ZNF697: variants seen among roughly 807,000 people sequenced by gnomAD.
The protein encoded by ZNF697 is zinc finger protein 697.
ZNF697 carries 23 observed loss-of-function variants against 32.4 expected under a neutral mutation model. The observed-to-expected ratio is 0.71, with a 90% confidence interval of 0.51 to 1.01. The LOEUF (loss-of-function observed/expected upper bound fraction) is 1.01. ZNF697 is among the 50% of genes least tolerant of loss of function. The pLI, the probability that ZNF697 is intolerant of heterozygous loss-of-function variation, is 0.00. For synonymous variants in ZNF697, 418 were observed against 337.2 expected (o/e 1.24, Z -2.62); for missense variants, 930 against 794.0 (o/e 1.17, Z -2.06).
intron 1 of ZNF697, among the ~76,000 whole-genome samples, chr1:119,636,174 G>A (rs761032033): frequency 5.9e-5 from 9 of 152,134 alleles, no homozygotes; most frequent in Non-Finnish European, 1.3e-4. Flanking sequence ...GAGAGCAACA[G>A]TACTACACAA....
At chr1:119,624,994 G>A (rs1648532655) in intron 2 of ZNF697, among the ~76,000 whole-genome samples, 2 of 147,300 alleles carry the variant, frequency 1.4e-5, no homozygotes, top group Non-Finnish European at 3.0e-5. Flanking sequence ...GGGGGAGGGG[G>A]ATAGTAGTGG....
chr1:119,622,549 A>G lies in ZNF697; in HGVS notation c.*156T>C. ...ACCGGGAAAGACCAACTTACTCAAC[A>G]CTCCTCCCACTTCAGGAAACCCCAA... On this transcript the variant is annotated 3_prime_UTR_variant, in exon 3 of 3. Coordinates refer to ENST00000421812, the MANE Select transcript of ZNF697 (RefSeq NM_001080470.2). 1 of 1,351,664 alleles carries G rather than the reference A, an allele frequency of 7.4e-7. No homozygotes were observed. The highest frequency in any genetic ancestry group is 9.7e-7 in the Non-Finnish European group (1 of 1,029,670). 83.7% of individuals were successfully genotyped at this position (1,351,664 alleles called of 1,614,324 possible).
In ZNF697 at chr1:119,623,490, C is replaced by G; in HGVS notation, c.853G>C (p.Gly285Arg). 1 of 1,569,814 alleles carries G rather than the reference C, an allele frequency of 6.4e-7. No homozygotes were observed. ...TCGGCGCACAGGTTGGGCCGCTCGC[C>G]CGTGTGCAGGCGCAGGTGGTTGGTC... ...YLTNHLRLHT[G>R]ERPNLCADCG... Residue 285 changes from glycine to arginine, a missense_variant, in exon 3 of 3, where the codon GGC becomes CGC. By Grantham distance (125) the Gly-to-Arg change is moderately radical. Coordinates refer to ENST00000421812, the MANE Select transcript of ZNF697 (RefSeq NM_001080470.2).
At chr1:119,640,493 C>CA (rs1395907450) in intron 1 of ZNF697, among the ~76,000 whole-genome samples, 1 of 152,170 alleles carries the variant, frequency 6.6e-6, no homozygotes, top group East Asian at 1.9e-4. Flanking sequence ...AGACCATTCT[C>CA]AAAAAAGAAT....
At chr1:119,643,396 A>G (rs763702474) in intron 1 of ZNF697, among the ~76,000 whole-genome samples, 52 of 152,160 alleles carry the variant, frequency 3.4e-4, no homozygotes, top group Non-Finnish European at 6.6e-4. Context: ...CTGTGTTTAT[A>G]CCAGGGCTTT....
intron 1 of ZNF697, among the ~76,000 whole-genome samples, chr1:119,630,512 A>G (rs1160030543): frequency 6.6e-6 from 1 of 152,196 alleles, no homozygotes; most frequent in Non-Finnish European, 1.5e-5. Context: ...CCCAATTTCA[A>G]AAAAGTAAGG....
rs1648564612 is a variant in ZNF697, at chr1:119,625,870, C to T, written c.226+5G>A. The T allele has an allele frequency of 1.2e-6, 2 of 1,613,204 alleles. No homozygotes were observed. Among genetic ancestry groups the T allele is most frequent in the Admixed American group, 3.3e-5 (2 of 59,976 alleles). Reference sequence around the variant, plus strand: ...CTTGCATAGAAATCCCAGCTTTCTCCTCACCTGTGCAGATGTCGGGCACTG... The same window carrying T: ...CTTGCATAGAAATCCCAGCTTTCTCTTCACCTGTGCAGATGTCGGGCACTG... On this transcript the variant is annotated splice_donor_5th_base_variant and intron_variant, in intron 2 of 2. Coordinates refer to ENST00000421812, the MANE Select transcript of ZNF697 (RefSeq NM_001080470.2).
In ZNF697 at chr1:119,647,738, G is replaced by C. The variant is rs775898531; in HGVS notation, c.-85C>G. ...CTCCCTGGGCTTGGTTTCTCCGAGGGTCTCTGATGCCCCCTTCGGTGGTCG... is the reference window on the plus strand; with the variant it reads ...CTCCCTGGGCTTGGTTTCTCCGAGGCTCTCTGATGCCCCCTTCGGTGGTCG... On this transcript the variant is annotated 5_prime_UTR_variant, in exon 1 of 3. Coordinates refer to ENST00000421812, the MANE Select transcript of ZNF697 (RefSeq NM_001080470.2). 6.6e-6 allele frequency: 1 copy of C among 152,504 alleles called. No individual in the cohort carries two copies. Among genetic ancestry groups the C allele is most frequent in the Admixed American group, 6.5e-5 (1 of 15,286 alleles). The allele number at this position is 152,504 out of a possible 1,614,324, so 9.4% of individuals were successfully genotyped here.
At position 119,621,014 on chromosome 1, in the gene ZNF697, A is replaced by C. The variant is rs1329409850; in HGVS notation, c.*1691T>G. The C allele has an allele frequency of 6.6e-6, 1 of 152,238 alleles. No individual in the cohort carries two copies. The highest frequency in any genetic ancestry group is 1.5e-5 in the Non-Finnish European group (1 of 68,044). 9.4% of individuals were successfully genotyped at this position (152,238 alleles called of 1,614,324 possible). On this transcript the variant is annotated 3_prime_UTR_variant, in exon 3 of 3. Transcript: ENST00000421812. ...TAACTTCTAAAGGCTAACCTAGCAC[A>C]GGGATCTTCAGCATAAGTAACTGAA...
chr1:119,641,861 G>A (rs762744330), intron 1 of ZNF697, among the ~76,000 whole-genome samples: 7 of 152,156 alleles, frequency 4.6e-5, no homozygotes, highest in Non-Finnish European at 8.8e-5. Context: ...GGCCTCCCCA[G>A]CCATGCAGAA....
In ZNF697 at chr1:119,623,715, T is replaced by C; in HGVS notation, c.628A>G (p.Ile210Val). The C allele has an allele frequency of 6.6e-7, 1 of 1,513,976 alleles. No homozygotes were observed. Among genetic ancestry groups the C allele is most frequent in the Non-Finnish European group, 8.9e-7 (1 of 1,129,714 alleles). 93.8% of individuals were successfully genotyped at this position (1,513,976 alleles called of 1,614,324 possible). A position where few individuals can be genotyped will look rare whatever the true frequency, so the allele number is the denominator to read the frequency against. ...PGAAFLQHQRIHRLAEAAAAA... is the reference protein window; with the variant it reads ...PGAAFLQHQRVHRLAEAAAAA... ...GCAGCGGCCTCAGCCAGGCGGTGAATGCGCTGGTGCTGCAGGAAGGCGGCG... is the reference window on the plus strand; with the variant it reads ...GCAGCGGCCTCAGCCAGGCGGTGAACGCGCTGGTGCTGCAGGAAGGCGGCG... Residue 210 changes from isoleucine (I) to valine (V), a missense_variant, in exon 3 of 3, where the codon ATT becomes GTT. Coordinates refer to ENST00000421812, the MANE Select transcript of ZNF697 (RefSeq NM_001080470.2).
Position 119,629,721 on chromosome 1 carries a change from TAC to T in ZNF697, c.-37-3586_-37-3585del, listed in dbSNP as rs587680390. 2.1e-3 allele frequency among the ~76,000 whole-genome samples: 321 copies of T among 152,346 alleles called. 1 individual carries two copies. Among genetic ancestry groups the T allele is most frequent in the Non-Finnish European group, 3.9e-3 (263 of 68,034 alleles). On this transcript the variant is annotated intron_variant, in intron 1 of 2. Transcript: ENST00000421812. ...TTCAGCCAACTTCTTAAGAAAATTA[TAC>T]ACACCCCCATTCTAAATTGGGGGTC...
Position 119,623,883 on chromosome 1 carries a change from G to C in ZNF697, c.460C>G (p.Arg154Gly), listed in dbSNP as rs1411133222. Reference protein sequence around the residue: ...RRHLSLGSRHRGDKPAHRRFH... With the variant: ...RRHLSLGSRHGGDKPAHRRFH... Reference sequence around the variant, plus strand: ...CGGCGGTGGGCGGGCTTGTCACCTCGGTGCCGACTCCCCAGGGAGAGATGT... The same window carrying C: ...CGGCGGTGGGCGGGCTTGTCACCTCCGTGCCGACTCCCCAGGGAGAGATGT... Residue 154 changes from arginine to glycine, a missense_variant, in exon 3 of 3, where the codon CGA (arginine) becomes GGA (glycine). Physicochemically the swap from Arg to Gly is moderately radical, Grantham distance 125. Transcript: ENST00000421812. The C allele has an allele frequency of 1.9e-6, 3 of 1,544,478 alleles. No homozygotes were observed. Among genetic ancestry groups the C allele is most frequent in the African/African-American group, 2.7e-5 (2 of 73,206 alleles).
chr1:119,628,232 A>C (rs1176709578), intron 1 of ZNF697, among the ~76,000 whole-genome samples: 3 of 152,066 alleles, frequency 2.0e-5, no homozygotes, highest in Non-Finnish European at 1.5e-5. Context: ...GGATTGCAGC[A>C]CTCCATCCTG....
chr1:119,643,314 G>T (rs748522464), intron 1 of ZNF697, among the ~76,000 whole-genome samples: 18 of 152,228 alleles, frequency 1.2e-4, no homozygotes, highest in Non-Finnish European at 2.5e-4. Context: ...TTGCTGAATA[G>T]ATTCAGTGAT....
Position 119,647,074 on chromosome 1 carries a change from G to T in ZNF697, c.-38+617C>A, listed in dbSNP as rs1321237. On this transcript the variant is annotated intron_variant, in intron 1 of 2. Coordinates refer to ENST00000421812, the MANE Select transcript of ZNF697 (RefSeq NM_001080470.2). ...TAAGGGGTGGGTGATTCACTCCTGTGGGGGAGGCAGGGCGGGGGCGGTTGG... is the reference window on the plus strand; with the variant it reads ...TAAGGGGTGGGTGATTCACTCCTGTTGGGGAGGCAGGGCGGGGGCGGTTGG... Among the ~76,000 whole-genome samples the T allele has an allele frequency of 4.3e-3, 659 of 151,834 alleles. 4 individuals carry two copies. Among genetic ancestry groups the T allele is most frequent in the African/African-American group, 0.015 (624 of 41,304 alleles).
In ZNF697 at chr1:119,648,231, T is replaced by TGCCC. The variant is rs1557944406; in HGVS notation, c.-579_-578insGGGC. Among the ~76,000 whole-genome samples the TGCCC allele has an allele frequency of 2.6e-5, 4 of 151,862 alleles. No homozygotes were observed. In the East Asian group the frequency reaches 7.8e-4, roughly 30 times the overall value. Reference sequence around the variant, plus strand: ...CTGGCTGGCTGGCTGGCTGGCTGGCTGGCTCGCTGGCTGGCTGCCCGGCTG... The same window carrying TGCCC: ...CTGGCTGGCTGGCTGGCTGGCTGGCTGCCCGGCTCGCTGGCTGGCTGCCCGGCTG... On this transcript the variant is annotated 5_prime_UTR_variant, in exon 1 of 3. Transcript: ENST00000421812.
chr1:119,638,458 T>C (rs1003302081), intron 1 of ZNF697, among the ~76,000 whole-genome samples: 1 of 152,200 alleles, frequency 6.6e-6, no homozygotes, highest in Non-Finnish European at 1.5e-5. Context: ...GCTTGGCATT[T>C]AATAGGAGTT....
Position 119,623,708 on chromosome 1 carries a change from C to A in ZNF697, c.635G>T (p.Arg212Leu). The change falls in exon 3 of 3, where the codon CGC (arginine) becomes CTC (leucine). Residue 212 changes from arginine (R) to leucine (L), a missense_variant. By Grantham distance (102) the Arg-to-Leu change is moderately radical. Coordinates refer to ENST00000421812, the MANE Select transcript of ZNF697 (RefSeq NM_001080470.2). ...AAFLQHQRIH[R>L]LAEAAAAASL... ...GGCGGCGGCAGCGGCCTCAGCCAGG[C>A]GGTGAATGCGCTGGTGCTGCAGGAA... is the stretch of plus-strand genomic sequence containing the variant. 1 of 1,534,280 alleles carries A rather than the reference C, an allele frequency of 6.5e-7. No homozygotes were observed. The highest frequency in any genetic ancestry group is 8.7e-7 in the Non-Finnish European group (1 of 1,145,782).
Sources: allele counts gnomAD v4.1 joint callset (sites outside exome capture counted in the v4.1 genomes callset), GRCh38; gene constraint gnomAD v4.1.1; transcripts MANE v1.5; gene names NCBI Gene and HGNC (gene_info 2026-07-23, HGNC 2026-07-21).